Variants in TSHZ2 observed in about 807,000 individuals in gnomAD.
TSHZ2 encodes the protein teashirt homolog 2.
In TSHZ2, 21 loss-of-function variants were observed where a neutral mutation model predicts 74.4. The observed-to-expected ratio is 0.28, with a 90% CI of 0.20 to 0.41. The LOEUF (loss-of-function observed/expected upper bound fraction) is 0.41, where lower values mean the gene tolerates loss of function less well. TSHZ2 is among the 10% of genes least tolerant of loss of function. The pLI, the probability that TSHZ2 is intolerant of heterozygous loss-of-function variation, is 1.00. For synonymous variants in TSHZ2, 540 were observed against 515.3 expected (o/e 1.05, Z -0.65); for missense variants, 1,244 against 1,293.5 (o/e 0.96, Z 0.59).
At chr20:53,192,836 AT>A (rs1988771222) in intron 1 of TSHZ2, among the ~76,000 whole-genome samples, 1 of 152,160 alleles carries the variant, frequency 6.6e-6, no homozygotes, top group South Asian at 2.1e-4. Flanking sequence ...CAAACTTTTC[AT>A]TGTTTTGGCT....
At chr20:53,156,747 T>G (rs1461853067) in intron 1 of TSHZ2, among the ~76,000 whole-genome samples, 1 of 152,258 alleles carries the variant, frequency 6.6e-6, no homozygotes, top group Non-Finnish European at 1.5e-5. Flanking sequence ...ATTTCTACAC[T>G]GTGCTGAATT....
At chr20:53,384,521 G>T (rs183095042) in intron 2 of TSHZ2, among the ~76,000 whole-genome samples, 89 of 152,216 alleles carry the variant, frequency 5.8e-4, no homozygotes, top group African/African-American at 2.0e-3. Flanking sequence ...CTCATGCATT[G>T]GGTTTGCCAT....
At chr20:53,281,854 T>C (rs6097332) in intron 2 of TSHZ2, among the ~76,000 whole-genome samples, 2,887 of 152,262 alleles carry the variant, frequency 0.019, 91 homozygotes, top group African/African-American at 0.066. Flanking sequence ...TAATGACTGA[T>C]TGACTCCACA....
At position 53,254,094 on chromosome 20, in the gene TSHZ2, C is replaced by T. The variant is rs773488399; in HGVS notation, c.636C>T (p.Ala212=). ...SKMCGTVFTG[A]SRFRCRQCSA... ...TGTGCGGGACTGTGTTCACAGGGGC[C>T]AGCAGATTCCGATGCCGACAGTGCA... The change falls in exon 2 of 3, where the codon GCC becomes GCT. Residue 212 remains alanine (A), a synonymous_variant. Transcript: ENST00000371497. 9.3e-6 allele frequency: 15 copies of T among 1,614,098 alleles called. No individual in the cohort carries two copies. In the Middle Eastern group the frequency reaches 1.3e-3, roughly 142 times the overall value.
chr20:53,236,194 T>C (rs1989935054), intron 1 of TSHZ2, among the ~76,000 whole-genome samples: 1 of 152,200 alleles, frequency 6.6e-6, no homozygotes, highest in Non-Finnish European at 1.5e-5. Context: ...CACTACCTCT[T>C]TAAACTCCTT....
intron 2 of TSHZ2, among the ~76,000 whole-genome samples, chr20:53,286,308 G>A (rs1470209256): frequency 2.5e-4 from 38 of 152,210 alleles, no homozygotes; most frequent in Admixed American, 2.5e-3. Flanking sequence ...GGCAACACAA[G>A]ACTTTACAGT....
chr20:53,152,026 G>A (rs1360620347), intron 1 of TSHZ2, among the ~76,000 whole-genome samples: 1 of 151,856 alleles, frequency 6.6e-6, no homozygotes, highest in East Asian at 1.9e-4. Context: ...CTGTAAAATG[G>A]GAAGCATCAT....
rs558267733 is a variant in TSHZ2 at position 53,160,892 on chromosome 20, A to T, written c.41-92607A>T. Among the ~76,000 whole-genome samples the T allele has an allele frequency of 3.9e-5, 6 of 152,072 alleles. No homozygotes were observed. The South Asian group carries it at 1.2e-3, about 32-fold the overall frequency. Reference sequence around the variant, plus strand: ...TTCATCTATATATTCCCTACTCTTAATCTATTTCTTTATAAGGTGCTAATA... The same window carrying T: ...TTCATCTATATATTCCCTACTCTTATTCTATTTCTTTATAAGGTGCTAATA... On this transcript the variant is annotated intron_variant, in intron 1 of 2. Transcript: ENST00000371497.
intron 2 of TSHZ2, among the ~76,000 whole-genome samples, chr20:53,317,965 A>C (rs1045119035): frequency 5.3e-5 from 8 of 152,202 alleles, no homozygotes; most frequent in Non-Finnish European, 1.0e-4. Flanking sequence ...CATCAATTTG[A>C]AGGTTCTTTG....
rs1403737661 is a variant in TSHZ2, at chr20:52,981,275, G to A, written c.40+7942G>A. 4.6e-5 allele frequency among the ~76,000 whole-genome samples: 7 copies of A among 152,264 alleles called. No individual in the cohort carries two copies. In the South Asian group the frequency reaches 8.3e-4, roughly 18 times the overall value. ...GCTCTAGAGATAAACCTTACTCTCC[G>A]GGTAAGAATGTGAGTTTTTGGAGTC... On this transcript the variant is annotated intron_variant, in intron 1 of 2. Coordinates refer to ENST00000371497, the MANE Select transcript of TSHZ2 (RefSeq NM_173485.6).
chr20:53,185,602 A>C, intron 1 of TSHZ2: 1 of 1,532,762 alleles, frequency 6.5e-7, no homozygotes, highest in African/African-American at 1.4e-5. Flanking sequence ...CTGGGGATAC[A>C]GAGCAAGACT....
At chr20:53,017,246 C>T (rs895309638) in intron 1 of TSHZ2, among the ~76,000 whole-genome samples, 1 of 152,144 alleles carries the variant, frequency 6.6e-6, no homozygotes, top group Non-Finnish European at 1.5e-5. Context: ...TAATTAGTAA[C>T]TTACCCATCA....
intron 1 of TSHZ2, among the ~76,000 whole-genome samples, chr20:53,164,759 C>T (rs1988027290): frequency 1.3e-5 from 2 of 152,150 alleles, no homozygotes; most frequent in Admixed American, 1.3e-4. Flanking sequence ...CTGAAGCTTT[C>T]GCCTTCCTAA....
At chr20:53,061,319 G>A (rs559760692) in intron 1 of TSHZ2, among the ~76,000 whole-genome samples, 88 of 152,266 alleles carry the variant, frequency 5.8e-4, no homozygotes, top group African/African-American at 1.9e-3. Context: ...ATGCGTCAGA[G>A]AGAGTCCATT....
intron 1 of TSHZ2, among the ~76,000 whole-genome samples, chr20:52,984,420 G>C (rs951456417): frequency 2.0e-5 from 3 of 152,164 alleles, no homozygotes; most frequent in African/African-American, 7.2e-5. Flanking sequence ...ACCCGTCTGC[G>C]GAAGTGATAC....
Position 53,255,662 on chromosome 20 carries a change from A to G in TSHZ2, c.2204A>G (p.Asn735Ser), listed in dbSNP as rs1990454569. ...TCCATGTTCCACAAGTCGAATCTCAATGTCATGGACAAGCCGGTCTTGAGT... is the reference window on the plus strand; with the variant it reads ...TCCATGTTCCACAAGTCGAATCTCAGTGTCATGGACAAGCCGGTCTTGAGT... ...TISMFHKSNLNVMDKPVLSPA... is the reference protein window; with the variant it reads ...TISMFHKSNLSVMDKPVLSPA... Residue 735 changes from asparagine to serine, a missense_variant, in exon 2 of 3, where the codon AAT (asparagine) becomes AGT (serine). By Grantham distance (46) the Asn-to-Ser change is conservative. Around this residue, in one of 6 missense-constraint regions of TSHZ2, gnomAD observed 562 missense variants for 544.0 expected, o/e 1.03. Transcript: ENST00000371497. The surrounding 1 kb of genome is among the most constrained non-coding windows in gnomAD (Gnocchi z 4.1). 6.3e-7 allele frequency: 1 copy of G among 1,575,148 alleles called. No homozygotes were observed. Among genetic ancestry groups the G allele is most frequent in the Non-Finnish European group, 8.6e-7 (1 of 1,161,226 alleles).
intron 1 of TSHZ2, among the ~76,000 whole-genome samples, chr20:53,223,538 T>C (rs1032623717): frequency 6.6e-6 from 1 of 152,130 alleles, no homozygotes; most frequent in African/African-American, 2.4e-5. Context: ...ACTACAGATA[T>C]GTGCCACCAC....
At chr20:53,032,679 T>C (rs993463016) in intron 1 of TSHZ2, among the ~76,000 whole-genome samples, 1 of 151,972 alleles carries the variant, frequency 6.6e-6, no homozygotes, top group African/African-American at 2.4e-5. Context: ...TTCAGTTTGA[T>C]GGGGATTTGT....
At chr20:53,053,158 T>G (rs1984531650) in intron 1 of TSHZ2, among the ~76,000 whole-genome samples, 1 of 152,238 alleles carries the variant, frequency 6.6e-6, no homozygotes, top group Non-Finnish European at 1.5e-5. Flanking sequence ...TGATCATTTG[T>G]GTCTGGCTTC....
Sources: gnomAD v4.1 joint callset for allele counts (sites outside exome capture counted in the v4.1 genomes callset) on GRCh38, gnomAD v4.1.1 for gene constraint, gnomAD v4.1.1 regional missense constraint, Gnocchi (gnomAD v3.1) non-coding constraint, MANE v1.5 for transcripts, NCBI Gene and HGNC (gene_info 2026-07-23, HGNC 2026-07-21) for gene names.